DPP10: variants seen among roughly 807,000 people sequenced by gnomAD.
The protein encoded by DPP10 is dipeptidyl peptidase like 10.
DPP10 carries 33 observed loss-of-function variants against 120.9 expected under a neutral mutation model. That is an observed-to-expected ratio of 0.27 (90% CI 0.21 to 0.37). DPP10 has a LOEUF of 0.37. Among genes scored for constraint, DPP10 ranks in the 10% least tolerant of loss-of-function variants. The pLI is 1.00. For synonymous variants in DPP10, 337 were observed against 326.1 expected (o/e 1.03, Z -0.36); for missense variants, 816 against 942.8 (o/e 0.87, Z 1.76).
At chr2:115,354,162 G>T (rs1482045884) in intron 3 of DPP10, among the ~76,000 whole-genome samples, 2 of 152,022 alleles carry the variant, frequency 1.3e-5, no homozygotes, top group African/African-American at 4.8e-5. Flanking sequence ...ATTCTTTCTT[G>T]TCAACTTTTA....
intron 5 of DPP10, among the ~76,000 whole-genome samples, chr2:115,552,110 C>G (rs571719821): frequency 6.6e-6 from 1 of 152,176 alleles, no homozygotes; most frequent in South Asian, 2.1e-4. Flanking sequence ...TGTTTGCACC[C>G]TTTTTATCAA....
chr2:114,523,200 A>G (rs1685216828), intron 1 of DPP10, among the ~76,000 whole-genome samples: 1 of 152,152 alleles, frequency 6.6e-6, no homozygotes. Context: ...AGAGTTCTGG[A>G]GCATAAATTG....
chr2:115,225,433 T>C (rs1559271403), intron 1 of DPP10, among the ~76,000 whole-genome samples: 1 of 152,000 alleles, frequency 6.6e-6, no homozygotes, highest in African/African-American at 2.4e-5. Flanking sequence ...TATGAGTGTG[T>C]TCTTTTTTTT....
At chr2:114,573,663 A>C (rs1027252381) in intron 1 of DPP10, among the ~76,000 whole-genome samples, 1 of 152,186 alleles carries the variant, frequency 6.6e-6, no homozygotes, top group African/African-American at 2.4e-5. Flanking sequence ...TGAGTTCTAG[A>C]GAGTTTTAAG....
intron 1 of DPP10, among the ~76,000 whole-genome samples, chr2:114,702,089 T>C (rs574748700): frequency 8.5e-5 from 13 of 152,130 alleles, no homozygotes; most frequent in Non-Finnish European, 1.8e-4. Flanking sequence ...GTAATGTGAT[T>C]GTCAATGTAT....
chr2:114,931,075 G>A (rs1219926503), intron 1 of DPP10, among the ~76,000 whole-genome samples: 2 of 152,072 alleles, frequency 1.3e-5, no homozygotes, highest in Non-Finnish European at 2.9e-5. Context: ...ACTTTCTCTT[G>A]CCTTATTGTG....
intron 11 of DPP10, among the ~76,000 whole-genome samples, chr2:115,755,377 A>T (rs1679263234): frequency 6.6e-6 from 1 of 152,112 alleles, no homozygotes; most frequent in African/African-American, 2.4e-5. Flanking sequence ...TTTATAGTGA[A>T]CTGATTTTCA....
chr2:115,751,772 C>T (rs1228369373), intron 10 of DPP10, among the ~76,000 whole-genome samples: 9 of 149,756 alleles, frequency 6.0e-5, no homozygotes, highest in Non-Finnish European at 1.0e-4. Flanking sequence ...TCATATAAAA[C>T]TGGGTTAATT....
chr2:114,849,634 G>A (rs1258691876), intron 1 of DPP10, among the ~76,000 whole-genome samples: 3 of 152,060 alleles, frequency 2.0e-5, no homozygotes, highest in Non-Finnish European at 2.9e-5. Flanking sequence ...TTACAGGAGT[G>A]AGCCACCGTG....
chr2:114,483,522 A>G (rs2104691720), intron 1 of DPP10, among the ~76,000 whole-genome samples: 1 of 152,224 alleles, frequency 6.6e-6, no homozygotes, highest in Admixed American at 6.6e-5. Flanking sequence ...CGCTTTTTGG[A>G]CAAATCACAA....
In DPP10 at chr2:115,319,360, T is replaced by A. The variant is rs189856651; in HGVS notation, c.175+10007T>A. 2.0e-5 allele frequency among the ~76,000 whole-genome samples: 3 copies of A among 152,296 alleles called. No individual in the cohort carries two copies. The East Asian group carries it at 5.8e-4, about 29-fold the overall frequency. On this transcript the variant is annotated intron_variant, in intron 2 of 25. Transcript: ENST00000410059. The stretch of plus-strand genomic sequence containing the variant: ...GATATTGATCTGTTGGTTTCTTTTC[T>A]TGTGCTATCTTTGTCTAGGTTTCAT...
intron 1 of DPP10, among the ~76,000 whole-genome samples, chr2:115,233,039 A>G (rs997278776): frequency 1.9e-5 from 2 of 103,534 alleles, no homozygotes; most frequent in African/African-American, 8.4e-5. Flanking sequence ...GTCTATCGTC[A>G]TCTTAATCTT....
chr2:115,836,640 C>A (rs758551025), intron 23 of DPP10, 34 bp from the exon 24 acceptor site: 1 of 1,610,100 alleles, frequency 6.2e-7, no homozygotes, highest in African/African-American at 1.3e-5. Flanking sequence ...TTATTTAGAT[C>A]TATAGATACA....
At chr2:115,477,507 A>G (rs1243198491) in intron 3 of DPP10, among the ~76,000 whole-genome samples, 2 of 152,176 alleles carry the variant, frequency 1.3e-5, no homozygotes, top group African/African-American at 4.8e-5. Context: ...AAAAAAAGAT[A>G]TATATTAATG....
intron 5 of DPP10, among the ~76,000 whole-genome samples, chr2:115,584,950 T>G (rs537970358): frequency 9.3e-4 from 141 of 152,350 alleles, no homozygotes; most frequent in African/African-American, 3.2e-3. Flanking sequence ...CAATTTACAC[T>G]ATGGGATCTG....
At chr2:115,802,524 G>A (rs1685385870) in intron 19 of DPP10, among the ~76,000 whole-genome samples, 1 of 152,094 alleles carries the variant, frequency 6.6e-6, no homozygotes, top group Admixed American at 6.5e-5. Context: ...TGTGATGTTA[G>A]GGTGTCAATT....
chr2:115,613,367 T>G (rs1012393149), intron 5 of DPP10, among the ~76,000 whole-genome samples: 2 of 152,208 alleles, frequency 1.3e-5, no homozygotes. Context: ...TGTTTCCTGA[T>G]TTTTATATGT....
chr2:114,697,516 C>T (rs570487988), intron 1 of DPP10, among the ~76,000 whole-genome samples: 18 of 151,764 alleles, frequency 1.2e-4, no homozygotes, highest in Admixed American at 1.1e-3. Flanking sequence ...TTTGGGAGGC[C>T]GAGGAGGGTG....
At chr2:115,560,977 C>T (rs950066626) in intron 5 of DPP10, among the ~76,000 whole-genome samples, 3 of 152,170 alleles carry the variant, frequency 2.0e-5, no homozygotes, top group Non-Finnish European at 2.9e-5. Flanking sequence ...TTTCAGTATT[C>T]TGTTATTTTT....
Sources: gnomAD v4.1 joint callset for allele counts (sites outside exome capture counted in the v4.1 genomes callset) on GRCh38, gnomAD v4.1.1 for gene constraint, MANE v1.5 for transcripts, NCBI Gene and HGNC (gene_info 2026-07-23, HGNC 2026-07-21) for gene names.